The following SFRP1 variants were observed in gnomAD, a reference collection of about 807,000 sequenced individuals.
SFRP1 encodes secreted frizzled related protein 1, also known as secreted frizzled-related protein 1.
SFRP1 carries 9 observed loss-of-function variants against 25.9 expected under a neutral mutation model. The observed-to-expected ratio is 0.35, with a 90% CI of 0.21 to 0.61. The LOEUF (loss-of-function observed/expected upper bound fraction) is 0.61, where lower values mean the gene tolerates loss of function less well. Among genes scored for constraint, SFRP1 ranks in the 20% least tolerant of loss-of-function variants. SFRP1 has a pLI of 0.78. For missense variants in SFRP1, 346 were observed against 418.2 expected (o/e 0.83, Z 1.51); for synonymous variants, 178 against 174.0 (o/e 1.02, Z -0.18).
intron 2 of SFRP1, among the ~76,000 whole-genome samples, chr8:41,278,556 G>A (rs1444881414): frequency 6.6e-6 from 1 of 152,158 alleles, no homozygotes; most frequent in African/African-American, 2.4e-5. Context: ...AAATCCAGTA[G>A]AGAAGCCCAG....
chr8:41,267,361 G>A (rs1803447670), intron 2 of SFRP1, among the ~76,000 whole-genome samples: 1 of 152,178 alleles, frequency 6.6e-6, no homozygotes, highest in Admixed American at 6.5e-5. Context: ...TATAAACGAA[G>A]CAGACTGAAC....
chr8:41,262,795 C>T lies in SFRP1; in HGVS notation c.*2372G>A, dbSNP rs1487869666. On this transcript the variant is annotated 3_prime_UTR_variant, in exon 3 of 3. Transcript: ENST00000220772. Reference sequence around the variant, plus strand: ...AGGCTCGTGATAGTGCAGCTCTGTGCCTACAGAGAGCCTCCCTTTTGGTTC... The same window carrying T: ...AGGCTCGTGATAGTGCAGCTCTGTGTCTACAGAGAGCCTCCCTTTTGGTTC... 1 of 152,150 alleles carries T rather than the reference C, an allele frequency of 6.6e-6. No individual in the cohort carries two copies. Among genetic ancestry groups the T allele is most frequent in the Non-Finnish European group, 1.5e-5 (1 of 68,032 alleles). 9.4% of individuals were successfully genotyped at this position (152,150 alleles called of 1,614,324 possible).
At chr8:41,300,749 C>T (rs1025225681) in intron 2 of SFRP1, among the ~76,000 whole-genome samples, 4 of 152,112 alleles carry the variant, frequency 2.6e-5, no homozygotes, top group Non-Finnish European at 5.9e-5. Flanking sequence ...TGTCACAGAG[C>T]AGGAAAAGCA....
intron 2 of SFRP1, among the ~76,000 whole-genome samples, chr8:41,278,918 G>T (rs571150667): frequency 6.6e-6 from 1 of 152,032 alleles, no homozygotes; most frequent in Non-Finnish European, 1.5e-5. Flanking sequence ...TCATGTTCTC[G>T]GTTTGTCCTC....
rs1258281447 is a variant in SFRP1 at position 41,300,378 on chromosome 8, T to C, written c.622+3083A>G. 4.6e-5 allele frequency among the ~76,000 whole-genome samples: 7 copies of C among 152,292 alleles called. No individual in the cohort carries two copies. In the East Asian group the frequency reaches 1.4e-3, roughly 29 times the overall value. On this transcript the variant is annotated intron_variant, in intron 2 of 2. Transcript: ENST00000220772. Reference sequence around the variant, plus strand: ...GTTTCTAGGGGCAAAGAAATCCTTTTCCATAGGGAGAAAATACTGGGCTGA... The same window carrying C: ...GTTTCTAGGGGCAAAGAAATCCTTTCCCATAGGGAGAAAATACTGGGCTGA...
chr8:41,270,583 A>G (rs912855497), intron 2 of SFRP1, among the ~76,000 whole-genome samples: 1 of 152,082 alleles, frequency 6.6e-6, no homozygotes, highest in African/African-American at 2.4e-5. Context: ...CAATGTTGGG[A>G]TTGGCAGCAA....
Position 41,265,498 on chromosome 8 carries a change from G to T in SFRP1, c.623-9C>A. 6.3e-7 allele frequency: 1 copy of T among 1,591,086 alleles called. No individual in the cohort carries two copies. The highest frequency in any genetic ancestry group is 8.5e-7 in the Non-Finnish European group (1 of 1,171,284). On this transcript the variant is annotated splice_polypyrimidine_tract_variant and intron_variant, in intron 2 of 2. Coordinates refer to ENST00000220772, the MANE Select transcript of SFRP1 (RefSeq NM_003012.5). ...TATTTTCATCCTCAGTGCTAGAGAT[G>T]GAGAGGACAGAAGAAGAGAAAAGAG...
chr8:41,309,369 G>C lies in SFRP1; in HGVS notation c.-210C>G. 1 of 338,570 alleles carries C rather than the reference G, an allele frequency of 3.0e-6. No individual in the cohort carries two copies. The highest frequency in any genetic ancestry group is 4.6e-6 in the Non-Finnish European group (1 of 217,928). 21.0% of individuals were successfully genotyped at this position (338,570 alleles called of 1,614,324 possible). On this transcript the variant is annotated 5_prime_UTR_variant, in exon 1 of 3. Transcript: ENST00000220772. Reference sequence around the variant, plus strand: ...GAGGCGGCGCGGGCGGGGAGGCGGCGCTGCGGGCTGGGTGCGCCCCGGCTC... The same window carrying C: ...GAGGCGGCGCGGGCGGGGAGGCGGCCCTGCGGGCTGGGTGCGCCCCGGCTC...
intron 2 of SFRP1, among the ~76,000 whole-genome samples, chr8:41,294,515 G>A (rs901726640): frequency 5.3e-5 from 8 of 152,098 alleles, no homozygotes; most frequent in Non-Finnish European, 7.4e-5. Flanking sequence ...CTGGTTTCTC[G>A]TTTTCTCCCC....
In SFRP1 at chr8:41,263,248, A is replaced by G. The variant is rs552994193; in HGVS notation, c.*1919T>C. The G allele has an allele frequency of 1.4e-4, 21 of 152,768 alleles. No homozygotes were observed. The highest frequency in any genetic ancestry group is 5.1e-4 in the African/African-American group (21 of 41,580). The allele number at this position is 152,768 out of a possible 1,614,324, so 9.5% of individuals were successfully genotyped here. On this transcript the variant is annotated 3_prime_UTR_variant, in exon 3 of 3. Transcript: ENST00000220772. Reference sequence around the variant, plus strand: ...TTCAGTTTGACAACAGAGAAGTAGAATATTTCTAATTAGCTAATATATATA... The same window carrying G: ...TTCAGTTTGACAACAGAGAAGTAGAGTATTTCTAATTAGCTAATATATATA...
intron 2 of SFRP1, among the ~76,000 whole-genome samples, chr8:41,267,373 C>T (rs772751020): frequency 9.2e-5 from 14 of 152,230 alleles, no homozygotes; most frequent in Admixed American, 9.2e-4. Flanking sequence ...AGACTGAACA[C>T]ACAGTGTCGC....
chr8:41,308,181 G>T (rs1459098333), intron 1 of SFRP1, among the ~76,000 whole-genome samples: 1 of 152,230 alleles, frequency 6.6e-6, no homozygotes, highest in Non-Finnish European at 1.5e-5. Context: ...AACTTTCTAC[G>T]CTTTGGGTTT....
chr8:41,303,240 G>A (rs936050815), intron 2 of SFRP1, among the ~76,000 whole-genome samples: 9 of 151,688 alleles, frequency 5.9e-5, no homozygotes, highest in Non-Finnish European at 1.2e-4. Flanking sequence ...TCTGTCCAGC[G>A]ATCCCCCACA....
chr8:41,265,026 C>A lies in SFRP1; in HGVS notation c.*141G>T. On this transcript the variant is annotated 3_prime_UTR_variant, in exon 3 of 3. Transcript: ENST00000220772. ...CTATGGAGGGAAGGGAGCGGGAATGCTGCAAGAACAAGCCGACTGGATTAC... is the reference window on the plus strand; with the variant it reads ...CTATGGAGGGAAGGGAGCGGGAATGATGCAAGAACAAGCCGACTGGATTAC... 2 of 647,780 alleles carry A rather than the reference C, an allele frequency of 3.1e-6. No homozygotes were observed. The highest frequency in any genetic ancestry group is 5.8e-5 in the Admixed American group (2 of 34,526). 40.1% of individuals were successfully genotyped at this position (647,780 alleles called of 1,614,324 possible). A position where few individuals can be genotyped will look rare whatever the true frequency, so the allele number is the denominator to read the frequency against.
At position 41,296,412 on chromosome 8, in the gene SFRP1, G is replaced by C. The variant is rs571040508; in HGVS notation, c.622+7049C>G. On this transcript the variant is annotated intron_variant, in intron 2 of 2. Transcript: ENST00000220772. ...TTTCAAGCACAATCTATAGGCCTTT[G>C]AGAAGCCTTCCAAAGCGAAGGCATG... Among the ~76,000 whole-genome samples, 52 of 151,948 alleles carry C rather than the reference G, an allele frequency of 3.4e-4. 1 individual carries two copies. The South Asian group carries it at 0.01, about 30-fold the overall frequency.
intron 2 of SFRP1, among the ~76,000 whole-genome samples, chr8:41,284,845 T>G (rs1242258621): frequency 1.3e-5 from 2 of 152,222 alleles, no homozygotes; most frequent in Non-Finnish European, 2.9e-5. Context: ...ACCCCCAGGC[T>G]GCAAGGCCAA....
chr8:41,265,305 G>T lies in SFRP1; in HGVS notation c.807C>A (p.Leu269=). The change falls in exon 3 of 3, where the codon CTC becomes CTA. Residue 269 remains leucine (L), a synonymous_variant. Coordinates refer to ENST00000220772, the MANE Select transcript of SFRP1 (RefSeq NM_003012.5). ...HQLDNLSHHF[L]IMGRKVKSQY... is the part of the protein sequence containing the mutation. The stretch of plus-strand genomic sequence containing the variant: ...GGCTCTTCACCTTGCGGCCCATGAT[G>T]AGGAAGTGGTGGCTGAGGTTGTCCA... 1 of 1,614,180 alleles carries T rather than the reference G, an allele frequency of 6.2e-7. No homozygotes were observed. Among genetic ancestry groups the T allele is most frequent in the South Asian group, 1.1e-5 (1 of 91,076 alleles).
chr8:41,266,122 C>T (rs1803432442), intron 2 of SFRP1, among the ~76,000 whole-genome samples: 1 of 151,716 alleles, frequency 6.6e-6, no homozygotes, highest in Non-Finnish European at 1.5e-5. Flanking sequence ...GCCAAGATCA[C>T]ACCACTGCAC....
intron 2 of SFRP1, among the ~76,000 whole-genome samples, 169 bp from the exon 3 acceptor site, chr8:41,265,658 G>T (rs1259121026): frequency 1.3e-5 from 2 of 152,054 alleles, no homozygotes; most frequent in African/African-American, 4.8e-5. Flanking sequence ...CAGGGGCACA[G>T]GTGCAGAGTT....
Sources: allele counts gnomAD v4.1 joint callset (sites outside exome capture counted in the v4.1 genomes callset), GRCh38; gene constraint gnomAD v4.1.1; transcripts MANE v1.5; gene names NCBI Gene and HGNC (gene_info 2026-07-23, HGNC 2026-07-21).